Variants in PCDHA4 observed in about 807,000 individuals in gnomAD.
PCDHA4 encodes protocadherin alpha-4.
In PCDHA4, 49 loss-of-function variants were observed where a neutral mutation model predicts 61.4. The ratio of observed to expected loss-of-function variants is 0.80; its 90% CI spans 0.63 to 1.01. PCDHA4 has a LOEUF of 1.01. Among genes scored for constraint, PCDHA4 ranks in the 50% least tolerant of loss-of-function variants. The pLI is 0.00. For missense variants in PCDHA4, 1,254 were observed against 1,235.8 expected (o/e 1.01, Z -0.22); for synonymous variants, 590 against 550.3 (o/e 1.07, Z -1.01).
In PCDHA4 at chr5:140,858,149, G is replaced by A. The variant is rs782725386; in HGVS notation, c.2385+48577G>A. The A allele has an allele frequency of 1.5e-5, 24 of 1,597,456 alleles. 4 individuals carry two copies. The highest frequency in any genetic ancestry group is 1.3e-4 in the African/African-American group (10 of 74,378). ...GGATGTCAACGTGTACCTGATCATC[G>A]CCATCTGCGCGGTGTCCAGCTTGCT... On this transcript the variant is annotated intron_variant, in intron 1 of 3. Transcript: ENST00000530339.
In PCDHA4 at chr5:141,011,632, C is replaced by T. The variant is rs1333162247; in HGVS notation, c.*1695C>T. Reference sequence around the variant, plus strand: ...TTTATGGTCCAGCCAAGAGCCATCTCGTGCCAAGACTTCTGCTGGCAAGGG... The same window carrying T: ...TTTATGGTCCAGCCAAGAGCCATCTTGTGCCAAGACTTCTGCTGGCAAGGG... On this transcript the variant is annotated 3_prime_UTR_variant, in exon 4 of 4. Transcript: ENST00000530339. The T allele has an allele frequency of 1.3e-5, 2 of 153,656 alleles. No homozygotes were observed. The highest frequency in any genetic ancestry group is 4.8e-5 in the African/African-American group (2 of 41,412). 9.5% of individuals were successfully genotyped at this position (153,656 alleles called of 1,614,324 possible).
intron 1 of PCDHA4, chr5:140,813,568 T>G (rs1459643062): frequency 6.6e-6 from 1 of 152,268 alleles, no homozygotes; most frequent in Non-Finnish European, 1.5e-5. Context: ...GAATGGAGAC[T>G]GCGGGGCTGG....
chr5:140,961,632 A>T (rs373824042), intron 1 of PCDHA4, among the ~76,000 whole-genome samples: 2 of 152,214 alleles, frequency 1.3e-5, no homozygotes, highest in African/African-American at 4.8e-5. Context: ...ATGAAAAACA[A>T]TCTTAAGTCT....
intron 1 of PCDHA4, chr5:140,824,025 G>C: frequency 1.2e-6 from 2 of 1,614,138 alleles, no homozygotes; most frequent in Non-Finnish European, 1.7e-6. Flanking sequence ...GGTCGTACTC[G>C]CAGCAGAGGA....
intron 1 of PCDHA4, among the ~76,000 whole-genome samples, chr5:140,920,769 G>T (rs2153558518): frequency 6.6e-6 from 1 of 151,918 alleles, no homozygotes; most frequent in African/African-American, 2.4e-5. Context: ...GCTTACACCT[G>T]GGAGGTGGAG....
chr5:140,966,436 G>T, intron 1 of PCDHA4: 1 of 421,750 alleles, frequency 2.4e-6, no homozygotes. Flanking sequence ...CCCTCCTACC[G>T]CTCCCTTTCC....
intron 1 of PCDHA4, chr5:140,966,281 G>C (rs1261464121): frequency 8.2e-5 from 30 of 366,710 alleles, no homozygotes; most frequent in Non-Finnish European, 1.3e-4. Flanking sequence ...TGGACAGTGG[G>C]GGTAGGGAGA....
intron 1 of PCDHA4, chr5:140,875,308 A>G (rs757619394): frequency 2.7e-5 from 39 of 1,423,476 alleles, no homozygotes; most frequent in Non-Finnish European, 3.4e-5. Flanking sequence ...CTCCGCACCC[A>G]CATTCCAATC....
chr5:140,950,917 A>ACT (rs1554219681), intron 1 of PCDHA4, among the ~76,000 whole-genome samples: 4 of 151,642 alleles, frequency 2.6e-5, no homozygotes, highest in African/African-American at 9.7e-5. Context: ...ATTTTATTTC[A>ACT]GTTCTTTTTC....
rs782073950 is a variant in PCDHA4, at chr5:140,978,950, C to G, written c.2387C>G (p.Pro796Arg). The G allele has an allele frequency of 1.2e-6, 2 of 1,614,102 alleles. No individual in the cohort carries two copies. The highest frequency in any genetic ancestry group is 1.7e-6 in the Non-Finnish European group (2 of 1,180,022). Reference sequence around the variant, plus strand: ...AAAACTCTCTTTGTGATTTTGCAGCCACGACAGCCCAACCCTGACTGGCGT... The same window carrying G: ...AAAACTCTCTTTGTGATTTTGCAGCGACGACAGCCCAACCCTGACTGGCGT... ...LQTTEESFAK[P>R]RQPNPDWRYS... The change falls in exon 2 of 4, where the codon CCA becomes CGA. Residue 796 changes from proline to arginine, a missense_variant and splice_region_variant. Coordinates refer to ENST00000530339, the MANE Select transcript of PCDHA4 (RefSeq NM_018907.4).
chr5:140,856,776 G>C (rs782634261), intron 1 of PCDHA4: 3 of 1,596,678 alleles, frequency 1.9e-6, no homozygotes, highest in Non-Finnish European at 1.7e-6. Flanking sequence ...ATCTTTGACA[G>C]ACCGGTTTAT....
intron 1 of PCDHA4, among the ~76,000 whole-genome samples, chr5:140,818,805 C>T (rs2150102410): frequency 1.3e-4 from 20 of 152,280 alleles, no homozygotes; most frequent in South Asian, 1.0e-3. Context: ...ACTCCAGCCT[C>T]GGTCAGAGTG....
rs552517946 is a variant in PCDHA4 at position 140,913,359 on chromosome 5, A to G, written c.2386-65590A>G. Reference sequence around the variant, plus strand: ...TTTATCCATTTCCTCTAGATTTTTAAATTTATTGGCATATAGTGGCTCATC... The same window carrying G: ...TTTATCCATTTCCTCTAGATTTTTAGATTTATTGGCATATAGTGGCTCATC... On this transcript the variant is annotated intron_variant, in intron 1 of 3. Coordinates refer to ENST00000530339, the MANE Select transcript of PCDHA4 (RefSeq NM_018907.4). Among the ~76,000 whole-genome samples, 4 of 152,082 alleles carry G rather than the reference A, an allele frequency of 2.6e-5. No homozygotes were observed. In the East Asian group the frequency reaches 7.7e-4, roughly 29 times the overall value.
At chr5:140,997,720 G>C (rs973128921) in intron 3 of PCDHA4, among the ~76,000 whole-genome samples, 1 of 151,568 alleles carries the variant, frequency 6.6e-6, no homozygotes, top group African/African-American at 2.4e-5. Flanking sequence ...ACCTTTCTAC[G>C]TCAGTACATA....
chr5:140,828,382 G>A (rs1769726529), intron 1 of PCDHA4: 1 of 1,614,172 alleles, frequency 6.2e-7, no homozygotes, highest in African/African-American at 1.3e-5. Flanking sequence ...AGCTGTGCGG[G>A]CGGAGCGCGG....
At chr5:140,836,897 G>A (rs1466903226) in intron 1 of PCDHA4, 3 of 603,578 alleles carry the variant, frequency 5.0e-6, no homozygotes, top group South Asian at 2.7e-5. Flanking sequence ...TTGGAAGTAC[G>A]TTTAATATAC....
intron 1 of PCDHA4, chr5:140,811,426 G>A (rs2150026278): frequency 6.6e-6 from 1 of 152,276 alleles, no homozygotes; most frequent in African/African-American, 2.4e-5. Context: ...CATTTGGGTT[G>A]GTTCCAAGTC....
chr5:140,994,377 G>C (rs1260163825), intron 3 of PCDHA4, among the ~76,000 whole-genome samples: 3 of 152,098 alleles, frequency 2.0e-5, no homozygotes, highest in Non-Finnish European at 4.4e-5. Context: ...GGAAATTCAG[G>C]GGACTAAGTC....
At chr5:140,995,557 A>G (rs1032736761) in intron 3 of PCDHA4, among the ~76,000 whole-genome samples, 2 of 152,252 alleles carry the variant, frequency 1.3e-5, no homozygotes, top group African/African-American at 2.4e-5. Flanking sequence ...ACTGTACTGA[A>G]TAATATGTCA....
Sources: allele counts gnomAD v4.1 joint callset (sites outside exome capture counted in the v4.1 genomes callset), GRCh38; gene constraint gnomAD v4.1.1; transcripts MANE v1.5; gene names NCBI Gene and HGNC (gene_info 2026-07-23, HGNC 2026-07-21).